RARB: variants seen among roughly 807,000 people sequenced by gnomAD.
The protein encoded by RARB is HBV-activated protein.
In RARB, 17 loss-of-function variants were observed where a neutral mutation model predicts 51.9. The observed-to-expected ratio is 0.33, with a 90% CI of 0.22 to 0.49. The LOEUF (loss-of-function observed/expected upper bound fraction) is 0.49, where lower values mean the gene tolerates loss of function less well. Among genes scored for constraint, RARB ranks in the 20% least tolerant of loss-of-function variants. The probability of loss-of-function intolerance (pLI) is 0.99; values close to 1 mark genes in which losing one functional copy is unlikely to be tolerated. For missense variants in RARB, 369 were observed against 550.8 expected (o/e 0.67, Z 3.30); for synonymous variants, 215 against 195.4 (o/e 1.10, Z -0.84).
chr3:25,541,139 T>A (rs1025174653), intron 3 of RARB, among the ~76,000 whole-genome samples: 2 of 152,168 alleles, frequency 1.3e-5, no homozygotes, highest in Non-Finnish European at 2.9e-5. Context: ...AACCACAAAA[T>A]TGAGTAGTTG....
At chr3:24,976,073 T>C (rs1696505291) in intron 2 of RARB, among the ~76,000 whole-genome samples, 2 of 152,184 alleles carry the variant, frequency 1.3e-5, no homozygotes, top group Admixed American at 6.5e-5. Context: ...TCCAGCTTCA[T>C]CCATGTCCCT....
chr3:25,050,816 T>C (rs1261464658), intron 2 of RARB, among the ~76,000 whole-genome samples: 1 of 152,234 alleles, frequency 6.6e-6, no homozygotes, highest in Admixed American at 6.5e-5. Context: ...ATGCAAATAT[T>C]GCTTACATAT....
intron 2 of RARB, among the ~76,000 whole-genome samples, chr3:24,882,157 G>T (rs750617737): frequency 4.6e-5 from 7 of 152,154 alleles, no homozygotes; most frequent in Non-Finnish European, 8.8e-5. Context: ...ATAACATTCT[G>T]CATTAAAATC....
At chr3:24,981,273 C>G (rs1363465143) in intron 2 of RARB, among the ~76,000 whole-genome samples, 1 of 152,182 alleles carries the variant, frequency 6.6e-6, no homozygotes, top group Non-Finnish European at 1.5e-5. Context: ...ATCTTGAACG[C>G]CATGTTGGGA....
intron 1 of RARB, among the ~76,000 whole-genome samples, chr3:25,457,171 C>T (rs1162754759): frequency 1.3e-5 from 2 of 152,024 alleles, no homozygotes. Context: ...ACAACTTGGT[C>T]ATTAGGACGT....
In RARB at chr3:25,067,318, G is replaced by A. The variant is rs76668963; in HGVS notation, c.-328+7142G>A. The stretch of plus-strand genomic sequence containing the variant: ...TTTAAATAAATGAGCTTGCAAAAGA[G>A]ATTGAAAAGAAGCAGAGAAGTACTT... On this transcript the variant is annotated intron_variant, in intron 3 of 11. Coordinates refer to the RARB transcript ENST00000383772. 7.9e-3 allele frequency among the ~76,000 whole-genome samples: 1,207 copies of A among 152,280 alleles called. 17 individuals carry two copies. Among genetic ancestry groups the A allele is most frequent in the African/African-American group, 0.027 (1,138 of 41,564 alleles).
At chr3:24,884,099 A>G (rs540048246) in intron 2 of RARB, among the ~76,000 whole-genome samples, 1 of 152,162 alleles carries the variant, frequency 6.6e-6, no homozygotes, top group Middle Eastern at 3.2e-3. Context: ...GCCACATAAA[A>G]CACTTCAAAA....
intron 5 of RARB, among the ~76,000 whole-genome samples, chr3:25,279,158 A>G (rs891722459): frequency 3.3e-5 from 5 of 152,202 alleles, no homozygotes; most frequent in Admixed American, 1.3e-4. Context: ...GAATATTCAC[A>G]ACATCAAAAT....
At chr3:24,984,503 A>T (rs1421077634) in intron 2 of RARB, among the ~76,000 whole-genome samples, 1 of 152,226 alleles carries the variant, frequency 6.6e-6, no homozygotes, top group East Asian at 1.9e-4. Flanking sequence ...TATTCTTTAA[A>T]TTATTTCTTT....
chr3:25,452,542 C>T (rs1479874593), intron 1 of RARB, among the ~76,000 whole-genome samples: 1 of 152,094 alleles, frequency 6.6e-6, no homozygotes, highest in Non-Finnish European at 1.5e-5. Context: ...GAGTTAAAAG[C>T]AAGAGAATTA....
At chr3:25,564,744 G>C (rs912072826) in intron 3 of RARB, among the ~76,000 whole-genome samples, 7 of 152,106 alleles carry the variant, frequency 4.6e-5, no homozygotes, top group African/African-American at 1.7e-4. Flanking sequence ...TGGAGGGGAG[G>C]GCTTTGATGC....
At chr3:24,900,130 G>T (rs1384624606) in intron 2 of RARB, among the ~76,000 whole-genome samples, 2 of 152,216 alleles carry the variant, frequency 1.3e-5, no homozygotes, top group Non-Finnish European at 2.9e-5. Context: ...AGCAGCATTT[G>T]AATGTTTTTC....
chr3:25,090,502 T>C (rs1699178252), intron 3 of RARB, among the ~76,000 whole-genome samples: 1 of 152,098 alleles, frequency 6.6e-6, no homozygotes, highest in Admixed American at 6.6e-5. Context: ...TCTGAAGATG[T>C]TTAAACCTAA....
At chr3:24,947,887 C>T (rs1181835083) in intron 2 of RARB, among the ~76,000 whole-genome samples, 25 of 151,942 alleles carry the variant, frequency 1.6e-4, no homozygotes, top group Non-Finnish European at 1.5e-5. Flanking sequence ...ATATGTACCT[C>T]AGTAAGGTAG....
intron 2 of RARB, among the ~76,000 whole-genome samples, chr3:25,027,684 A>G (rs1203960336): frequency 2.4e-5 from 2 of 84,938 alleles, no homozygotes; most frequent in African/African-American, 4.0e-5. Flanking sequence ...ATTTCTATCA[A>G]AATGCTTTTT....
intron 2 of RARB, among the ~76,000 whole-genome samples, chr3:25,026,641 G>A (rs777383997): frequency 9.9e-5 from 15 of 152,150 alleles, no homozygotes; most frequent in Non-Finnish European, 2.1e-4. Flanking sequence ...AGTACTTAGG[G>A]GTTAGGGCTT....
intron 2 of RARB, among the ~76,000 whole-genome samples, chr3:25,498,152 A>T (rs1183651077): frequency 6.6e-6 from 1 of 152,190 alleles, no homozygotes; most frequent in Non-Finnish European, 1.5e-5. Flanking sequence ...TTTTCCAAGT[A>T]AGCCAGAGAT....
intron 2 of RARB, among the ~76,000 whole-genome samples, chr3:25,049,328 A>G (rs1239798432): frequency 6.6e-6 from 1 of 152,234 alleles, no homozygotes; most frequent in African/African-American, 2.4e-5. Context: ...AGACTCTAGC[A>G]TTCACGTGAC....
intron 4 of RARB, among the ~76,000 whole-genome samples, chr3:25,168,231 T>C (rs1575192119): frequency 6.6e-6 from 1 of 152,160 alleles, no homozygotes; most frequent in African/African-American, 2.4e-5. Context: ...TTTTTCTTTT[T>C]CTTTTTTGAG....
Sources: allele counts gnomAD v4.1 joint callset (sites outside exome capture counted in the v4.1 genomes callset), GRCh38; gene constraint gnomAD v4.1.1; transcripts MANE v1.5; gene names NCBI Gene and HGNC (gene_info 2026-07-23, HGNC 2026-07-21).